Variants in BACH2 observed in about 807,000 individuals in gnomAD.
The protein encoded by BACH2 is BACH transcriptional regulator 2, also known as transcription regulator protein BACH2.
Under a neutral mutation model 61.8 loss-of-function variants are expected in BACH2, and 5 were observed. The observed-to-expected ratio is 0.08, with a 90% CI of 0.04 to 0.17. BACH2 has a LOEUF of 0.17. BACH2 is among the 10% of genes least tolerant of loss of function. BACH2 has a pLI of 1.00. For synonymous variants in BACH2, 446 were observed against 440.1 expected (o/e 1.01, Z -0.17); for missense variants, 824 against 1,091.1 (o/e 0.76, Z 3.45).
At chr6:89,984,328 C>T (rs541466834) in intron 6 of BACH2, among the ~76,000 whole-genome samples, 8 of 151,970 alleles carry the variant, frequency 5.3e-5, no homozygotes, top group East Asian at 3.9e-4. Flanking sequence ...CACAGAGAAA[C>T]GAGAGGATTA....
intron 4 of BACH2, among the ~76,000 whole-genome samples, chr6:90,091,194 C>T (rs1279238343): frequency 6.6e-6 from 1 of 152,180 alleles, no homozygotes; most frequent in African/African-American, 2.4e-5. Flanking sequence ...ATATCACAAG[C>T]TTGATCTTTC....
intron 6 of BACH2, among the ~76,000 whole-genome samples, chr6:89,963,378 C>T (rs1055187049): frequency 2.6e-5 from 4 of 152,184 alleles, no homozygotes; most frequent in East Asian, 1.9e-4. Flanking sequence ...ACTGCAGGCT[C>T]AACTTCCCAG....
rs536140410 is a variant in BACH2 at position 89,980,152 on chromosome 6, G to T, written c.244-28290C>A. On this transcript the variant is annotated intron_variant, in intron 6 of 8. Coordinates refer to ENST00000257749, the MANE Select transcript of BACH2 (RefSeq NM_021813.4). ...TCTACAAAAATACAAAAATTAGCTG[G>T]GCGTGGTGGTGTGCGCCTGTAATCC... Among the ~76,000 whole-genome samples, 4 of 152,190 alleles carry T rather than the reference G, an allele frequency of 2.6e-5. No homozygotes were observed. The East Asian group carries it at 7.7e-4, about 29-fold the overall frequency.
In BACH2 at chr6:89,957,572, C is replaced by T. The variant is rs1774493581; in HGVS notation, c.244-5710G>A. Among the ~76,000 whole-genome samples the T allele has an allele frequency of 6.6e-5, 10 of 152,134 alleles. No individual in the cohort carries two copies. In the South Asian group the frequency reaches 2.1e-3, roughly 31 times the overall value. The stretch of plus-strand genomic sequence containing the variant: ...ATTTATTTACTGACAGGGTCTCATA[C>T]TGGTTGTCCAGGCTGGAGTGCAGTG... On this transcript the variant is annotated intron_variant, in intron 6 of 8. Transcript: ENST00000257749.
At chr6:90,145,593 T>C (rs1784589149) in intron 4 of BACH2, among the ~76,000 whole-genome samples, 1 of 152,240 alleles carries the variant, frequency 6.6e-6, no homozygotes, top group Admixed American at 6.5e-5. Context: ...ACAAGGCTTC[T>C]TGAAGCTCCC....
At chr6:90,078,269 AG>A (rs1025259250) in intron 5 of BACH2, among the ~76,000 whole-genome samples, 2 of 152,168 alleles carry the variant, frequency 1.3e-5, no homozygotes, top group Non-Finnish European at 2.9e-5. Flanking sequence ...GTACACCAGC[AG>A]GTACTACAAT....
intron 5 of BACH2, among the ~76,000 whole-genome samples, chr6:90,020,165 G>A (rs969563243): frequency 9.2e-5 from 14 of 151,934 alleles, no homozygotes; most frequent in African/African-American, 3.4e-4. Context: ...CCTCCTTGTT[G>A]GTTCCTCTTC....
chr6:90,026,652 T>C (rs1315382963), intron 5 of BACH2, among the ~76,000 whole-genome samples: 1 of 152,184 alleles, frequency 6.6e-6, no homozygotes, highest in Non-Finnish European at 1.5e-5. Flanking sequence ...TATCTATAGT[T>C]TCACAGCTGT....
At chr6:89,958,988 A>G (rs1355277386) in intron 6 of BACH2, among the ~76,000 whole-genome samples, 1 of 152,124 alleles carries the variant, frequency 6.6e-6, no homozygotes, top group Non-Finnish European at 1.5e-5. Flanking sequence ...TGACAAGAGA[A>G]CATTAAACAA....
intron 5 of BACH2, among the ~76,000 whole-genome samples, chr6:90,072,462 C>T (rs960863807): frequency 2.6e-5 from 4 of 152,194 alleles, no homozygotes; most frequent in African/African-American, 9.7e-5. Flanking sequence ...GATTTCCAAA[C>T]TATTTCTAAG....
intron 4 of BACH2, chr6:90,117,118 T>G (rs371460128): frequency 3.9e-6 from 1 of 257,048 alleles, no homozygotes; most frequent in African/African-American, 2.2e-5. Flanking sequence ...TCAAGGTGCA[T>G]GCGCCCAGCA....
intron 4 of BACH2, among the ~76,000 whole-genome samples, chr6:90,165,871 G>C (rs976698301): frequency 6.6e-5 from 10 of 152,120 alleles, no homozygotes; most frequent in African/African-American, 1.2e-4. Context: ...AAAGCTGAAA[G>C]TGGATCCCTT....
intron 5 of BACH2, among the ~76,000 whole-genome samples, chr6:90,075,653 C>T (rs1582316691): frequency 6.6e-6 from 1 of 152,104 alleles, no homozygotes; most frequent in East Asian, 1.9e-4. Flanking sequence ...CTACTTGTGA[C>T]CCTGTTTCAG....
chr6:89,959,830 T>G (rs758180937), intron 6 of BACH2, among the ~76,000 whole-genome samples: 2 of 152,192 alleles, frequency 1.3e-5, no homozygotes, highest in Non-Finnish European at 2.9e-5. Flanking sequence ...GTTCAAAAAC[T>G]CTTGTTTCCT....
At chr6:90,225,489 G>C (rs1769882757) in intron 3 of BACH2, among the ~76,000 whole-genome samples, 1 of 152,150 alleles carries the variant, frequency 6.6e-6, no homozygotes, top group Non-Finnish European at 1.5e-5. Flanking sequence ...AAGGTAACAG[G>C]TGACAGGTGC....
At chr6:90,116,840 C>T (rs1212083054) in intron 4 of BACH2, 2 of 601,392 alleles carry the variant, frequency 3.3e-6, no homozygotes, top group Non-Finnish European at 5.2e-6. Context: ...GGCTGGGATG[C>T]CTCTGGAGCA....
intron 4 of BACH2, among the ~76,000 whole-genome samples, chr6:90,092,565 G>A (rs1391776106): frequency 2.0e-5 from 3 of 151,794 alleles, no homozygotes; most frequent in Non-Finnish European, 4.4e-5. Context: ...TTCTTGTGGG[G>A]ATCACATGAG....
chr6:89,930,228 CTTTTTTTTTTTTTTT>C lies in BACH2; in HGVS notation c.*2165_*2179del, dbSNP rs397885211. 1 of 53,426 alleles carries C rather than the reference CTTTTTTTTTTTTTTT, an allele frequency of 1.9e-5. No individual in the cohort carries two copies. The highest frequency in any genetic ancestry group is 3.4e-5 in the Non-Finnish European group (1 of 29,556). The allele number at this position is 53,426 out of a possible 1,614,324, so 3.3% of individuals were successfully genotyped here. ...AGTGGAACTGTTTAAAAAGAAAAGC[CTTTTTTTTTTTTTTT>C]TTTTTTTTTTTATCCTACTGCATGA... On this transcript the variant is annotated 3_prime_UTR_variant, in exon 9 of 9. Coordinates refer to ENST00000257749, the MANE Select transcript of BACH2 (RefSeq NM_021813.4).
intron 4 of BACH2, among the ~76,000 whole-genome samples, chr6:90,185,956 A>G (rs1016328670): frequency 6.6e-6 from 1 of 152,232 alleles, no homozygotes; most frequent in African/African-American, 2.4e-5. Context: ...ACAGTGACAC[A>G]GAATAAGAAC....
Sources: gnomAD v4.1 joint callset for allele counts (sites outside exome capture counted in the v4.1 genomes callset) on GRCh38, gnomAD v4.1.1 for gene constraint, MANE v1.5 for transcripts, NCBI Gene and HGNC (gene_info 2026-07-23, HGNC 2026-07-21) for gene names.